ADGRB3: variants seen among roughly 807,000 people sequenced by gnomAD.
ADGRB3 encodes adhesion G protein-coupled receptor B3.
In ADGRB3, 37 loss-of-function variants were observed where a neutral mutation model predicts 193.4. The observed-to-expected ratio is 0.19, with a 90% CI of 0.15 to 0.25. The LOEUF is 0.25. Ranked by LOEUF, ADGRB3 falls within the 10% of genes least tolerant of loss-of-function variation. ADGRB3 has a pLI of 1.00. For missense variants in ADGRB3, 1,637 were observed against 1,852.9 expected (o/e 0.88, Z 2.14); for synonymous variants, 690 against 644.2 (o/e 1.07, Z -1.08).
intron 3 of ADGRB3, among the ~76,000 whole-genome samples, chr6:68,877,823 T>C (rs1765634137): frequency 6.6e-6 from 1 of 152,148 alleles, no homozygotes; most frequent in South Asian, 2.1e-4. Flanking sequence ...TCACAAAAGA[T>C]ACATTTTGCT....
intron 3 of ADGRB3, among the ~76,000 whole-genome samples, chr6:68,772,892 AAAATAT>A (rs1186974000): frequency 2.0e-3 from 60 of 30,526 alleles, no homozygotes; most frequent in Admixed American, 2.8e-3. Context: ...CAAAAAAAAA[AAAATAT>A]ATATATATAT....
chr6:68,777,527 C>T (rs968037142), intron 3 of ADGRB3, among the ~76,000 whole-genome samples: 1 of 151,722 alleles, frequency 6.6e-6, no homozygotes, highest in African/African-American at 2.4e-5. Context: ...ATAAAAGGCA[C>T]AGGTGTAAGG....
At chr6:69,336,018 T>A (rs1768838232) in intron 24 of ADGRB3, among the ~76,000 whole-genome samples, 1 of 152,036 alleles carries the variant, frequency 6.6e-6, no homozygotes, top group Non-Finnish European at 1.5e-5. Flanking sequence ...ACACAAACTA[T>A]ATTAATATTT....
At chr6:69,307,501 T>C (rs1768089576) in intron 20 of ADGRB3, among the ~76,000 whole-genome samples, 2 of 151,584 alleles carry the variant, frequency 1.3e-5, no homozygotes, top group South Asian at 4.1e-4. Flanking sequence ...CAAGGAAAAG[T>C]TTCATTATAA....
chr6:69,083,117 C>T (rs188905225), intron 17 of ADGRB3, among the ~76,000 whole-genome samples: 7 of 152,234 alleles, frequency 4.6e-5, no homozygotes, highest in African/African-American at 1.4e-4. Flanking sequence ...AATCTTATTG[C>T]TGGAAATTGG....
chr6:69,060,866 G>A (rs923151846), intron 15 of ADGRB3, among the ~76,000 whole-genome samples: 1 of 151,952 alleles, frequency 6.6e-6, no homozygotes, highest in African/African-American at 2.4e-5. Flanking sequence ...TCTCTGGGAG[G>A]CCTGCCAGCT....
At chr6:69,199,994 A>G (rs116455871) in intron 17 of ADGRB3, among the ~76,000 whole-genome samples, 336 of 152,272 alleles carry the variant, frequency 2.2e-3, no homozygotes, top group African/African-American at 7.6e-3. Flanking sequence ...AAGATGAAAA[A>G]GCACATCGTT....
At chr6:69,120,378 G>A (rs1773649829) in intron 17 of ADGRB3, among the ~76,000 whole-genome samples, 1 of 152,160 alleles carries the variant, frequency 6.6e-6, no homozygotes, top group East Asian at 1.9e-4. Flanking sequence ...CAGCCTTCTG[G>A]GTGATTCTGG....
intron 17 of ADGRB3, among the ~76,000 whole-genome samples, chr6:69,121,513 G>T (rs554808011): frequency 6.6e-6 from 1 of 152,244 alleles, no homozygotes; most frequent in African/African-American, 2.4e-5. Flanking sequence ...CTCGATGGTC[G>T]CTGTCTCTTC....
In ADGRB3 at chr6:69,048,354, T is replaced by A. The variant is rs1410895196; in HGVS notation, c.2257+20T>A. On this transcript the variant is annotated intron_variant, in intron 14 of 31. Coordinates refer to ENST00000370598, the MANE Select transcript of ADGRB3 (RefSeq NM_001704.3). ...CAAAAGGTAAATATCTGAAATAATATGAGCTTGAACAAGACATTTTTGATA... is the reference window on the plus strand; with the variant it reads ...CAAAAGGTAAATATCTGAAATAATAAGAGCTTGAACAAGACATTTTTGATA... The A allele has an allele frequency of 2.8e-5, 45 of 1,607,774 alleles. No homozygotes were observed. Among genetic ancestry groups the A allele is most frequent in the Non-Finnish European group, 3.6e-5 (42 of 1,176,660 alleles).
chr6:68,750,932 C>A (rs981807947), intron 3 of ADGRB3, among the ~76,000 whole-genome samples: 17 of 152,182 alleles, frequency 1.1e-4, no homozygotes, highest in African/African-American at 3.1e-4. Flanking sequence ...ATCTGGGAGT[C>A]CCAAGGAGAT....
intron 20 of ADGRB3, among the ~76,000 whole-genome samples, chr6:69,277,786 C>G (rs189247013): frequency 6.6e-6 from 1 of 152,172 alleles, no homozygotes; most frequent in Non-Finnish European, 1.5e-5. Flanking sequence ...TGCCCACAGA[C>G]TTTGGGAAAA....
chr6:69,140,514 G>A (rs9454705), intron 17 of ADGRB3, among the ~76,000 whole-genome samples: 32,974 of 151,994 alleles, frequency 0.22, 3,841 homozygotes, highest in Middle Eastern at 0.25. Flanking sequence ...GGTGGTGGGC[G>A]CCAGGAGGAA....
rs532696936 is a variant in ADGRB3, at chr6:69,289,872, C to T, written c.2815-35000C>T. On this transcript the variant is annotated intron_variant, in intron 20 of 31. Transcript: ENST00000370598. ...GCCATATCACAGAATTGGCACACTGCGGTGATGTGAGTCAGTGTGTGGCAC... is the reference window on the plus strand; with the variant it reads ...GCCATATCACAGAATTGGCACACTGTGGTGATGTGAGTCAGTGTGTGGCAC... Among the ~76,000 whole-genome samples, 8 of 151,888 alleles carry T rather than the reference C, an allele frequency of 5.3e-5. No homozygotes were observed. The South Asian group carries it at 1.0e-3, about 20-fold the overall frequency.
intron 20 of ADGRB3, among the ~76,000 whole-genome samples, chr6:69,293,809 G>A (rs1429304521): frequency 2.0e-5 from 3 of 152,114 alleles, no homozygotes; most frequent in African/African-American, 7.2e-5. Flanking sequence ...TACCCACCTG[G>A]AGCACAGTCT....
chr6:68,643,438 CTTTTT>C (rs765489730), intron 3 of ADGRB3, among the ~76,000 whole-genome samples: 18 of 65,032 alleles, frequency 2.8e-4, no homozygotes, highest in Admixed American at 1.6e-3. Context: ...CTTCATCTTC[CTTTTT>C]TTTTTTTTTT....
chr6:68,982,500 G>A (rs1487653927), intron 10 of ADGRB3, among the ~76,000 whole-genome samples: 1 of 152,140 alleles, frequency 6.6e-6, no homozygotes. Flanking sequence ...AGAGACAGAG[G>A]GAGATTCAGC....
rs548437184 is a variant in ADGRB3 at position 68,921,712 on chromosome 6, AAAT to A, written c.758-8841_758-8839del. On this transcript the variant is annotated intron_variant, in intron 3 of 31. Transcript: ENST00000370598. ...CTTCTTGGGCAGTTTTAAAAAATAA[AAAT>A]AATAAAATATATAATATAAGAATAG... Among the ~76,000 whole-genome samples, 69 of 151,832 alleles carry A rather than the reference AAAT, an allele frequency of 4.5e-4. 1 individual carries two copies. The East Asian group carries it at 0.012, about 26-fold the overall frequency.
At chr6:69,279,145 T>A (rs1320695396) in intron 20 of ADGRB3, among the ~76,000 whole-genome samples, 1 of 141,390 alleles carries the variant, frequency 7.1e-6, no homozygotes, top group African/African-American at 2.6e-5. Flanking sequence ...GATGGGGTGA[T>A]GTCCCAATAA....
Sources: allele counts gnomAD v4.1 joint callset (sites outside exome capture counted in the v4.1 genomes callset), GRCh38; gene constraint gnomAD v4.1.1; transcripts MANE v1.5; gene names NCBI Gene and HGNC (gene_info 2026-07-23, HGNC 2026-07-21).